The following COL11A1 variants were observed in gnomAD, a reference collection of about 807,000 sequenced individuals.
COL11A1 encodes the protein collagen alpha-1(XI) chain.
In COL11A1, 74 loss-of-function variants were observed where a neutral mutation model predicts 265.2. The ratio of observed to expected loss-of-function variants is 0.28; its 90% CI spans 0.23 to 0.34. The LOEUF is 0.34. Among genes scored for constraint, COL11A1 ranks in the 10% least tolerant of loss-of-function variants. The pLI is 1.00. For missense variants in COL11A1, 2,165 were observed against 2,263.6 expected, an observed-to-expected ratio of 0.96 and a Z score of 0.88; for synonymous variants, 816 against 727.6, an observed-to-expected ratio of 1.12 and a Z score of -1.96.
chr1:103,074,759 G>A lies in COL11A1; in HGVS notation c.510C>T (p.Ser170=), dbSNP rs749497678. Residue 170 remains serine (S), a synonymous_variant, in exon 4 of 67, where the codon AGC becomes AGT. Coordinates refer to ENST00000370096, the MANE Select transcript of COL11A1 (RefSeq NM_001854.4). ...TCATTGTCACAGTTTTCTTCTCCAC[G>A]CTGATTGCTACCCGATGCCACCTAA... The part of the protein sequence containing the change: ...ADGKWHRVAI[S]VEKKTVTMIV... 44 of 1,612,960 alleles carry A rather than the reference G, an allele frequency of 2.7e-5. No homozygotes were observed. Among genetic ancestry groups the A allele is most frequent in the African/African-American group, 1.2e-4 (9 of 74,810 alleles).
At chr1:102,918,440 GT>G (rs1262216117) in intron 49 of COL11A1, among the ~76,000 whole-genome samples, 2 of 151,686 alleles carry the variant, frequency 1.3e-5, no homozygotes, top group African/African-American at 4.8e-5. Context: ...AAAGATACTG[GT>G]TTTTTTATTC....
At chr1:103,059,989 G>A (rs918647538) in intron 4 of COL11A1, among the ~76,000 whole-genome samples, 1 of 151,988 alleles carries the variant, frequency 6.6e-6, no homozygotes, top group African/African-American at 2.4e-5. Flanking sequence ...CCAAATTAAT[G>A]TCAGACATCA....
intron 31 of COL11A1, 104 bp downstream of exon 31, chr1:102,984,034 G>T: frequency 1.2e-6 from 1 of 816,860 alleles, no homozygotes; most frequent in Non-Finnish European, 2.0e-6. Context: ...TTATTTTTAA[G>T]TACTCATGAT....
At chr1:102,884,019 A>T (rs530637547) in intron 63 of COL11A1, among the ~76,000 whole-genome samples, 2 of 152,304 alleles carry the variant, frequency 1.3e-5, no homozygotes, top group Admixed American at 1.3e-4. Flanking sequence ...TTCTTTAGAT[A>T]ACTGACAATA....
At chr1:102,894,061 A>T (rs6701464) in intron 57 of COL11A1, among the ~76,000 whole-genome samples, 18,377 of 152,272 alleles carry the variant, frequency 0.12, 1,294 homozygotes, top group East Asian at 0.25. Context: ...CAGCTGCATT[A>T]AAACAAATAG....
In COL11A1 at chr1:103,008,363, C is replaced by G. The variant is rs1047705620; in HGVS notation, c.1683+100G>C. ...CCTCATACATCAATGGAATACTACT[C>G]AGGAACAAAAAAAAAATTAACTATT... On this transcript the variant is annotated intron_variant, in intron 15 of 66. Transcript: ENST00000370096. 35 of 949,800 alleles carry G rather than the reference C, an allele frequency of 3.7e-5. No individual in the cohort carries two copies. In the Admixed American group the frequency reaches 6.7e-4, roughly 18 times the overall value. The allele number at this position is 949,800 out of a possible 1,614,324, so 58.8% of individuals were successfully genotyped here.
chr1:102,879,907 A>G lies in COL11A1; in HGVS notation c.5050T>C (p.Leu1684=), dbSNP rs775479693. 1 of 1,606,142 alleles carries G rather than the reference A, an allele frequency of 6.2e-7. No individual in the cohort carries two copies. The highest frequency in any genetic ancestry group is 1.1e-5 in the South Asian group (1 of 90,916). Residue 1684 remains leucine (L), a synonymous_variant, in exon 66 of 67, where the codon TTA becomes CTA. Transcript: ENST00000370096. ...EFKRGKLLSY[L]DVEGNSINMV... ...TTGATGGAATTTCCTTCAACATCTA[A>G]GTATGAAAGCTAGGAATAAAGGAAT...
chr1:102,918,946 A>T (rs575371828), intron 49 of COL11A1, among the ~76,000 whole-genome samples: 19 of 152,164 alleles, frequency 1.2e-4, no homozygotes, highest in Non-Finnish European at 2.7e-4. Flanking sequence ...GATAAAAGCT[A>T]ATAATCCTAG....
At chr1:103,037,800 A>T (rs921362273) in intron 4 of COL11A1, among the ~76,000 whole-genome samples, 1 of 152,136 alleles carries the variant, frequency 6.6e-6, no homozygotes, top group Non-Finnish European at 1.5e-5. Flanking sequence ...ATTCTAAGAG[A>T]GCAATTTTTT....
In COL11A1 at chr1:102,939,065, T is replaced by G; in HGVS notation, c.3408A>C (p.Gln1136His). 1 of 1,613,850 alleles carries G rather than the reference T, an allele frequency of 6.2e-7. No individual in the cohort carries two copies. The highest frequency in any genetic ancestry group is 8.5e-7 in the Non-Finnish European group (1 of 1,179,882). ...CTCCCTTGTCACCCTTGCTGCCTTTTTGTCCCGGCTCACCAATTTCACCCT... is the reference window on the plus strand; with the variant it reads ...CTCCCTTGTCACCCTTGCTGCCTTTGTGTCCCGGCTCACCAATTTCACCCT... ...GDKGEIGEPGQKGSKGDKGEN... is the reference protein window; with the variant it reads ...GDKGEIGEPGHKGSKGDKGEN... The change falls in exon 44 of 67, where the codon CAA (glutamine) becomes CAC (histidine). Residue 1136 changes from glutamine (Q) to histidine (H), a missense_variant. By Grantham distance (24) the Gln-to-His change is conservative (BLOSUM62 0). Transcript: ENST00000370096.
chr1:102,889,017 A>C, intron 59 of COL11A1, 98 bp from the exon 60 acceptor site: 1 of 1,097,250 alleles, frequency 9.1e-7, no homozygotes, highest in Non-Finnish European at 1.4e-6. Context: ...ATACACTGTA[A>C]AATTTAGAGA....
chr1:103,071,848 A>G lies in COL11A1; in HGVS notation c.651+2770T>C, dbSNP rs1212573813. Reference sequence around the variant, plus strand: ...GATAATTAAGTTAACATACAACCACATTTATATTACATATGTGTTTGTATA... The same window carrying G: ...GATAATTAAGTTAACATACAACCACGTTTATATTACATATGTGTTTGTATA... On this transcript the variant is annotated intron_variant, in intron 4 of 66. Coordinates refer to ENST00000370096, the MANE Select transcript of COL11A1 (RefSeq NM_001854.4). Among the ~76,000 whole-genome samples, 5 of 123,500 alleles carry G rather than the reference A, an allele frequency of 4.0e-5. No homozygotes were observed. The East Asian group carries it at 9.5e-4, about 24-fold the overall frequency. 81.0% of individuals were successfully genotyped at this position (123,500 alleles called of 152,430 possible). A position where few individuals can be genotyped will look rare whatever the true frequency, so the allele number is the denominator to read the frequency against.
chr1:102,887,947 G>A (rs1435092674), intron 62 of COL11A1, among the ~76,000 whole-genome samples: 1 of 152,088 alleles, frequency 6.6e-6, no homozygotes, highest in East Asian at 1.9e-4. Flanking sequence ...CTGACACCTT[G>A]TTCTAGGACT....
intron 4 of COL11A1, among the ~76,000 whole-genome samples, chr1:103,060,303 A>G (rs1461862316): frequency 6.6e-6 from 1 of 152,160 alleles, no homozygotes; most frequent in Non-Finnish European, 1.5e-5. Flanking sequence ...CAGACAAACA[A>G]AAATTGAGGA....
At chr1:102,961,135 A>G (rs1358637643) in intron 41 of COL11A1, among the ~76,000 whole-genome samples, 1 of 152,166 alleles carries the variant, frequency 6.6e-6, no homozygotes, top group Non-Finnish European at 1.5e-5. Flanking sequence ...AATGAGAAGA[A>G]GACACTAAAT....
In COL11A1 at chr1:103,021,689, A is replaced by T; in HGVS notation, c.1308+18T>A. 3 of 1,566,800 alleles carry T rather than the reference A, an allele frequency of 1.9e-6. No homozygotes were observed. Among genetic ancestry groups the T allele is most frequent in the Non-Finnish European group, 1.8e-6 (2 of 1,136,744 alleles). ...GCAATTTTACCAACCTTTAAAGTGT[A>T]TTCACACTACTACTTACAGGCTCAA... On this transcript the variant is annotated intron_variant, in intron 9 of 66. Transcript: ENST00000370096.
chr1:103,063,702 G>C (rs543943770), intron 4 of COL11A1, among the ~76,000 whole-genome samples: 18 of 152,186 alleles, frequency 1.2e-4, no homozygotes, highest in African/African-American at 4.1e-4. Flanking sequence ...AGAATTTATT[G>C]ATAATCTAGG....
At chr1:102,887,935 T>C (rs1315104421) in intron 62 of COL11A1, among the ~76,000 whole-genome samples, 1 of 152,140 alleles carries the variant, frequency 6.6e-6, no homozygotes, top group Non-Finnish European at 1.5e-5. Context: ...GAACCAACAC[T>C]GCTGACACCT....
chr1:102,946,330 AC>A (rs5776669), intron 42 of COL11A1, among the ~76,000 whole-genome samples: 133,627 of 150,850 alleles, frequency 0.89, 60,293 homozygotes, highest in East Asian at 1. Flanking sequence ...AGTATAATAA[AC>A]CCCCCCCCAA....
Sources: gnomAD v4.1 joint callset for allele counts (sites outside exome capture counted in the v4.1 genomes callset) on GRCh38, gnomAD v4.1.1 for gene constraint, MANE v1.5 for transcripts, NCBI Gene and HGNC (gene_info 2026-07-23, HGNC 2026-07-21) for gene names.